The following CTRB2 variants were observed in gnomAD, a reference collection of about 807,000 sequenced individuals.
CTRB2 encodes chymotrypsinogen B2.
In CTRB2, 9 loss-of-function variants were observed where a neutral mutation model predicts 19.3. That is an observed-to-expected ratio of 0.47 (90% CI 0.28 to 0.81). CTRB2 has a LOEUF of 0.81. CTRB2 is among the 40% of genes least tolerant of loss of function. The pLI is 0.11. For synonymous variants in CTRB2, 98 were observed against 117.3 expected, an observed-to-expected ratio of 0.84 and a Z score of 1.06; for missense variants, 210 against 269.7, an observed-to-expected ratio of 0.78 and a Z score of 1.55.
intron 1 of CTRB2, chr16:75,206,578 T>C (rs1434159275): frequency 3.0e-6 from 1 of 332,922 alleles, no homozygotes; most frequent in Admixed American, 4.6e-5. Flanking sequence ...ATCACGCTGT[T>C]TCTGACCTCA....
intron 1 of CTRB2, chr16:75,206,453 C>T (rs550996463): frequency 5.3e-5 from 29 of 544,678 alleles, no homozygotes; most frequent in African/African-American, 4.9e-4. Context: ...ACAGGTGGAG[C>T]GTGCGGTGGG....
rs201577960 is a variant in CTRB2 at position 75,204,360 on chromosome 16, G to C, written c.631-38C>G. 10 of 1,604,206 alleles carry C rather than the reference G, an allele frequency of 6.2e-6. No individual in the cohort carries two copies. The South Asian group carries it at 1.1e-4, about 18-fold the overall frequency. On this transcript the variant is annotated intron_variant, in intron 6 of 6. Coordinates refer to ENST00000303037, the MANE Select transcript of CTRB2 (RefSeq NM_001025200.4). ...GAGGAAGTATCTCTAGGCCTGAAAG[G>C]GGTGCCAGGGCCTAGGGGACCCTGA...
rs2038868738 is a variant in CTRB2 at position 75,204,317 on chromosome 16, G to A, written c.636C>T (p.Asp212=). ...TCTGGCAGACCAGGGGGCCTCCAGA[G>A]TCACCCTGCAGGAAGGAGAGGAAGT... The part of the protein sequence containing the change: ...GASGVSSCMG[D]SGGPLVCQKD... Residue 212 remains aspartate (D), a synonymous_variant, in exon 7 of 7, where the codon GAC becomes GAT. Transcript: ENST00000303037. 2 of 1,613,970 alleles carry A rather than the reference G, an allele frequency of 1.2e-6. No individual in the cohort carries two copies. The highest frequency in any genetic ancestry group is 1.1e-5 in the South Asian group (1 of 91,082).
rs1331078831 is a variant in CTRB2, at chr16:75,206,200, G to A, written c.53-7C>T. On this transcript the variant is annotated splice_region_variant and splice_polypyrimidine_tract_variant and intron_variant, in intron 1 of 6. Coordinates refer to ENST00000303037, the MANE Select transcript of CTRB2 (RefSeq NM_001025200.4). ...ATGGCGGGGACCCCGCAGCCTGGGG[G>A]CGGGAGTGGGCTGAGGGGTGGGTAC... is the stretch of plus-strand genomic sequence containing the variant. 1.9e-6 allele frequency: 3 copies of A among 1,557,018 alleles called. No homozygotes were observed. The African/African-American group carries it at 4.1e-5, about 21-fold the overall frequency.
chr16:75,206,318 G>A, intron 1 of CTRB2, 125 bp from the exon 2 acceptor site: 1 of 1,059,274 alleles, frequency 9.4e-7, no homozygotes, highest in Non-Finnish European at 1.3e-6. Context: ...CCCCTTCTCT[G>A]AGAAGTTGGC....
chr16:75,204,392 G>C lies in CTRB2; in HGVS notation c.631-70C>G, dbSNP rs535078257. 2.1e-6 allele frequency: 3 copies of C among 1,438,116 alleles called. No individual in the cohort carries two copies. In the African/African-American group the frequency reaches 4.2e-5, roughly 20 times the overall value. 89.1% of individuals were successfully genotyped at this position (1,438,116 alleles called of 1,614,324 possible). On this transcript the variant is annotated intron_variant, in intron 6 of 6. Coordinates refer to ENST00000303037, the MANE Select transcript of CTRB2 (RefSeq NM_001025200.4). ...AGGGCCTAGGGGACCCTGACCTGGT[G>C]GAGTCTAGGGAGGGGTGCGGAGAAA...
intron 1 of CTRB2, 83 bp downstream of exon 1, chr16:75,207,007 T>C: frequency 7.6e-7 from 1 of 1,315,634 alleles, no homozygotes; most frequent in East Asian, 2.5e-5. Flanking sequence ...AACTGGGAGC[T>C]GGGACCCTGC....
Position 75,204,368 on chromosome 16 carries a change from G to C in CTRB2, c.631-46C>G, listed in dbSNP as rs533062707. On this transcript the variant is annotated intron_variant, in intron 6 of 6. Coordinates refer to ENST00000303037, the MANE Select transcript of CTRB2 (RefSeq NM_001025200.4). ...ATCTCTAGGCCTGAAAGGGGTGCCA[G>C]GGCCTAGGGGACCCTGACCTGGTGG... 3.2e-6 allele frequency: 5 copies of C among 1,586,236 alleles called. No individual in the cohort carries two copies. The South Asian group carries it at 5.6e-5, about 18-fold the overall frequency.
intron 1 of CTRB2, 139 bp from the exon 2 acceptor site, chr16:75,206,332 G>T: frequency 1.1e-6 from 1 of 871,860 alleles, no homozygotes; most frequent in Non-Finnish European, 1.7e-6. Flanking sequence ...AGTTGGCCCT[G>T]GCTCTCCTCT....
At position 75,204,756 on chromosome 16, in the gene CTRB2, G is replaced by A; in HGVS notation, c.630+17C>T. 1 of 1,295,710 alleles carries A rather than the reference G, an allele frequency of 7.7e-7. No homozygotes were observed. Among genetic ancestry groups the A allele is most frequent in the Middle Eastern group, 2.7e-4 (1 of 3,662 alleles). 80.3% of individuals were successfully genotyped at this position (1,295,710 alleles called of 1,614,324 possible). A position where few individuals can be genotyped will look rare whatever the true frequency, so the allele number is the denominator to read the frequency against. On this transcript the variant is annotated intron_variant, in intron 6 of 6. Coordinates refer to ENST00000303037, the MANE Select transcript of CTRB2 (RefSeq NM_001025200.4). ...ACCCCGCTCGCCTGGCCAGGGCCTG[G>A]GCAGGGCCAGCCTCACCATGCAGGA... is the stretch of plus-strand genomic sequence containing the variant.
intron 6 of CTRB2, among the ~76,000 whole-genome samples, chr16:75,204,566 C>T (rs1297467500): frequency 6.6e-6 from 1 of 152,182 alleles, no homozygotes; most frequent in African/African-American, 2.4e-5. Flanking sequence ...AAACCTCCAG[C>T]TCACAGGGCT....
At position 75,204,982 on chromosome 16, in the gene CTRB2, G is replaced by A. The variant is rs536820262; in HGVS notation, c.497-76C>T. 39 of 478,824 alleles carry A rather than the reference G, an allele frequency of 8.1e-5. 2 individuals carry two copies. Among genetic ancestry groups the A allele is most frequent in the Middle Eastern group, 1.0e-3 (2 of 1,994 alleles). The allele number at this position is 478,824 out of a possible 1,614,324, so 29.7% of individuals were successfully genotyped here. A position where few individuals can be genotyped will look rare whatever the true frequency, so the allele number is the denominator to read the frequency against. ...GGAGGGAGAGACCCGGGGCCGACAC[G>A]CCTGCCCTACCCTGCACCATCACCA... On this transcript the variant is annotated intron_variant, in intron 5 of 6. Transcript: ENST00000303037.
In CTRB2 at chr16:75,204,182, C is replaced by T. The variant is rs1597115992; in HGVS notation, c.771G>A (p.Gln257=). Residue 257 remains glutamine (Q), a synonymous_variant, in exon 7 of 7, where the codon CAG becomes CAA. Coordinates refer to ENST00000303037, the MANE Select transcript of CTRB2 (RefSeq NM_001025200.4). Reference sequence around the variant, plus strand: ...GGGCTCAGTTGGCGGCCAGGATCTTCTGCACCCAGGGTATGAGCTTGGCGA... The same window carrying T: ...GGGCTCAGTTGGCGGCCAGGATCTTTTGCACCCAGGGTATGAGCTTGGCGA... The part of the protein sequence containing the change: ...ARVAKLIPWV[Q]KILAAN 2 of 1,614,144 alleles carry T rather than the reference C, an allele frequency of 1.2e-6. No homozygotes were observed. Among genetic ancestry groups the T allele is most frequent in the Middle Eastern group, 1.6e-4 (1 of 6,062 alleles).
At chr16:75,204,529 C>T (rs868319856) in intron 6 of CTRB2, among the ~76,000 whole-genome samples, 1 of 152,130 alleles carries the variant, frequency 6.6e-6, no homozygotes. Context: ...GCTTCCCTCT[C>T]TAAGCCGGGG....
At position 75,204,219 on chromosome 16, in the gene CTRB2, A is replaced by C; in HGVS notation, c.734T>G (p.Val245Gly). The C allele has an allele frequency of 6.2e-7, 1 of 1,614,068 alleles. No individual in the cohort carries two copies. The highest frequency in any genetic ancestry group is 1.1e-5 in the South Asian group (1 of 91,074). The change falls in exon 7 of 7, where the codon GTG becomes GGG. Residue 245 changes from valine (V) to glycine (G), a missense_variant. By Grantham distance (109) the Val-to-Gly change is moderately radical. This residue lies in a region of CTRB2 where 120 missense variants were observed against 90.8 expected (regional missense o/e 1.32). Coordinates refer to ENST00000303037, the MANE Select transcript of CTRB2 (RefSeq NM_001025200.4). ...TATGAGCTTGGCGACACGGGCGTAC[A>C]CAGCGGGCGTGGTGGTAGAGCAGGT... ...SRTCSTTTPA[V>G]YARVAKLIPW...
chr16:75,204,395 G>A (rs2038870269), intron 6 of CTRB2, 73 bp from the exon 7 acceptor site: 4 of 1,432,944 alleles, frequency 2.8e-6, no homozygotes, highest in Non-Finnish European at 3.9e-6. Context: ...ACCTGGTGGA[G>A]TCTAGGGAGG....
Position 75,204,306 on chromosome 16 carries a change from G to A in CTRB2, c.647C>T (p.Pro216Leu), listed in dbSNP as rs2038868381. Residue 216 changes from proline to leucine, a missense_variant, in exon 7 of 7, where the codon CCC becomes CTC. Pro to Leu is a moderately conservative substitution (Grantham distance 98). Transcript: ENST00000303037. ...GGCTCCGTCCTTCTGGCAGACCAGG[G>A]GGCCTCCAGAGTCACCCTGCAGGAA... is the stretch of plus-strand genomic sequence containing the variant. Reference protein sequence around the residue: ...VSSCMGDSGGPLVCQKDGAWT... With the variant: ...VSSCMGDSGGLLVCQKDGAWT... The A allele has an allele frequency of 2.5e-6, 4 of 1,613,938 alleles. No individual in the cohort carries two copies. The highest frequency in any genetic ancestry group is 3.4e-6 in the Non-Finnish European group (4 of 1,180,000).
At chr16:75,206,505 G>A (rs2038894506) in intron 1 of CTRB2, 4 of 462,838 alleles carry the variant, frequency 8.6e-6, no homozygotes, top group Non-Finnish European at 1.2e-5. Context: ...GACTCTGTGG[G>A]TTTGAACCTG....
At chr16:75,204,655 C>G in intron 6 of CTRB2, 118 bp downstream of exon 6, 1 of 1,535,226 alleles carries the variant, frequency 6.5e-7, no homozygotes, top group Non-Finnish European at 8.8e-7. Context: ...CAAGGCCTGG[C>G]CCTCACTGGG....
Sources: gnomAD v4.1 joint callset for allele counts (sites outside exome capture counted in the v4.1 genomes callset) on GRCh38, gnomAD v4.1.1 for gene constraint, gnomAD v4.1.1 regional missense constraint, MANE v1.5 for transcripts, NCBI Gene and HGNC (gene_info 2026-07-23, HGNC 2026-07-21) for gene names.